LRRC43: variants seen among roughly 807,000 people sequenced by gnomAD.
LRRC43 encodes the protein leucine rich repeat containing 43, also known as leucine-rich repeat-containing protein 43.
In LRRC43, 62 loss-of-function variants were observed where a neutral mutation model predicts 64.3. The ratio of observed to expected loss-of-function variants is 0.96; its 90% CI spans 0.79 to 1.19. The LOEUF is 1.19. Among genes scored for constraint, LRRC43 ranks in the 50% most tolerant of loss-of-function variants. The probability of loss-of-function intolerance (pLI) is 0.00; values close to 1 mark genes in which losing one functional copy is unlikely to be tolerated. For synonymous variants in LRRC43, 422 were observed against 382.3 expected (o/e 1.10, Z -1.21); for missense variants, 868 against 845.0 (o/e 1.03, Z -0.34).
chr12:122,193,129 C>G, intron 7 of LRRC43, 125 bp downstream of exon 7: 1 of 998,906 alleles, frequency 1.0e-6, no homozygotes, highest in Middle Eastern at 3.3e-4. Flanking sequence ...GTCTGTAATC[C>G]CGGCACTTTG....
At chr12:122,168,437 G>C (rs1285115034) in intron 1 of LRRC43, among the ~76,000 whole-genome samples, 1 of 147,510 alleles carries the variant, frequency 6.8e-6, no homozygotes, top group Non-Finnish European at 1.5e-5. Flanking sequence ...GCAAAACTCT[G>C]TCTCAAAAAA....
At chr12:122,196,859 G>A (rs1056537991) in intron 7 of LRRC43, among the ~76,000 whole-genome samples, 1 of 152,176 alleles carries the variant, frequency 6.6e-6, no homozygotes, top group African/African-American at 2.4e-5. Context: ...TGGTACGTCA[G>A]AGGAAGTACA....
At chr12:122,197,903 T>C (rs1042837439) in intron 7 of LRRC43, among the ~76,000 whole-genome samples, 1 of 152,114 alleles carries the variant, frequency 6.6e-6, no homozygotes, top group African/African-American at 2.4e-5. Flanking sequence ...TTATCACTGG[T>C]TTGGGGTTTT....
At chr12:122,186,698 C>T (rs1037120642) in intron 3 of LRRC43, among the ~76,000 whole-genome samples, 5 of 152,170 alleles carry the variant, frequency 3.3e-5, no homozygotes, top group Non-Finnish European at 7.4e-5. Flanking sequence ...GCAGGTGGAT[C>T]ACCTGAGGTC....
intron 1 of LRRC43, among the ~76,000 whole-genome samples, chr12:122,170,235 G>A (rs1308317379): frequency 6.6e-6 from 1 of 152,180 alleles, no homozygotes; most frequent in Non-Finnish European, 1.5e-5. Context: ...GTGTTCTGAT[G>A]TAGGACAGTC....
rs775258822 is a variant in LRRC43, at chr12:122,184,733, CCTT to C, written c.371_373del (p.Phe124del). On this transcript the variant is annotated inframe_deletion, in exon 2 of 12. Coordinates refer to ENST00000339777, the MANE Select transcript of LRRC43 (RefSeq NM_001098519.2). The surrounding 1 kb of genome is among the most constrained non-coding windows in gnomAD (Gnocchi z 4.0). ...CGGAACCCGCTGACGATCACAGACACCTTCTTCTACTCCTACTTCCGGTCCCTG... is the reference window on the plus strand; with the variant it reads ...CGGAACCCGCTGACGATCACAGACACCTTCTACTCCTACTTCCGGTCCCTG... 5.0e-6 allele frequency: 8 copies of C among 1,612,936 alleles called. No homozygotes were observed. The East Asian group carries it at 1.1e-4, about 22-fold the overall frequency.
At chr12:122,190,995 T>C (rs1322158063) in intron 5 of LRRC43, among the ~76,000 whole-genome samples, 1 of 152,078 alleles carries the variant, frequency 6.6e-6, no homozygotes, top group Non-Finnish European at 1.5e-5. Context: ...CAAAACAACC[T>C]GTGGGGACTT....
intron 7 of LRRC43, among the ~76,000 whole-genome samples, 172 bp downstream of exon 7, chr12:122,193,176 C>A (rs1414160098): frequency 6.6e-6 from 1 of 151,514 alleles, no homozygotes; most frequent in Admixed American, 6.6e-5. Flanking sequence ...GTCAGGAGAT[C>A]GAGACCATCC....
upstream of LRRC43, chr12:122,183,113 C>T (rs113219840): frequency 2.0e-5 from 30 of 1,525,888 alleles, no homozygotes; most frequent in Middle Eastern, 2.3e-3. Context: ...GCGCACGCGT[C>T]CTAGCGGTTG....
intron 2 of LRRC43, among the ~76,000 whole-genome samples, chr12:122,185,862 C>T (rs1218631943): frequency 1.3e-5 from 2 of 152,206 alleles, no homozygotes; most frequent in African/African-American, 4.8e-5. Context: ...TGACTGACTT[C>T]AGTGCCCAGA....
chr12:122,192,074 CAA>C (rs1187466653), intron 6 of LRRC43, among the ~76,000 whole-genome samples: 1 of 152,174 alleles, frequency 6.6e-6, no homozygotes, highest in Non-Finnish European at 1.5e-5. Flanking sequence ...CTGAGCCTAA[CAA>C]GAGAGCCACC....
intron 1 of LRRC43, among the ~76,000 whole-genome samples, chr12:122,172,970 G>A (rs533645641): frequency 6.6e-6 from 1 of 152,272 alleles, no homozygotes; most frequent in East Asian, 1.9e-4. Flanking sequence ...CCATCCAGCT[G>A]AGGCCTCCCA....
rs1410974292 is a variant in LRRC43 at position 122,191,418 on chromosome 12, G to A, written c.940G>A (p.Gly314Arg). Residue 314 changes from glycine to arginine, a missense_variant, in exon 6 of 12, where the codon GGA becomes AGA. Transcript: ENST00000339777. ...GGAGGCGCAGTTTGTGGTGACCATC[G>A]GAAACATCAGAGGAGTCCTGGACAC... ...AQEAQFVVTI[G>R]NIRGVLDTSV... is the part of the protein sequence containing the mutation. The A allele has an allele frequency of 1.1e-5, 17 of 1,613,426 alleles. No homozygotes were observed. The highest frequency in any genetic ancestry group is 1.7e-4 in the Middle Eastern group (1 of 6,048).
chr12:122,200,497 C>CCT lies in LRRC43; in HGVS notation c.1492-32_1492-31dup, dbSNP rs1953823580. The CCT allele has an allele frequency of 6.2e-7, 1 of 1,613,826 alleles. No homozygotes were observed. Among genetic ancestry groups the CCT allele is most frequent in the African/African-American group, 1.3e-5 (1 of 74,920 alleles). Reference sequence around the variant, plus strand: ...GGTGACCCCAGGCAGCCCGCCTGGGCCTCTGCTCACTCGAGGATTCTCTCC... The same window carrying CCT: ...GGTGACCCCAGGCAGCCCGCCTGGGCCTCTCTGCTCACTCGAGGATTCTCTCC... On this transcript the variant is annotated intron_variant, in intron 8 of 11. Transcript: ENST00000339777. The surrounding 1 kb of genome is among the most constrained non-coding windows in gnomAD (Gnocchi z 4.6).
intron 4 of LRRC43, chr12:122,189,293 G>A (rs1049860610): frequency 5.8e-5 from 22 of 381,542 alleles, no homozygotes; most frequent in Non-Finnish European, 9.5e-5. Context: ...GGAACCTGGA[G>A]GGCATGCCCT....
intron 1 of LRRC43, chr12:122,172,263 C>T (rs1953491817): frequency 1.6e-6 from 1 of 612,288 alleles, no homozygotes; most frequent in African/African-American, 1.8e-5. Flanking sequence ...ACATCTCAGC[C>T]CTCCCGGGAC....
At chr12:122,178,333 G>A (rs368093943), upstream of LRRC43, among the ~76,000 whole-genome samples, 9 of 152,124 alleles carry the variant, frequency 5.9e-5, 1 homozygote, top group African/African-American at 1.4e-4. Flanking sequence ...CTGTAACAAC[G>A]TCATCCTGAT....
upstream of LRRC43, among the ~76,000 whole-genome samples, chr12:122,180,343 A>C (rs1230496627): frequency 6.6e-6 from 1 of 151,928 alleles, no homozygotes; most frequent in Non-Finnish European, 1.5e-5. Context: ...GCATGGAGAA[A>C]CCCTGTCTCT....
chr12:122,193,240 G>T (rs926234887), intron 7 of LRRC43, among the ~76,000 whole-genome samples: 6 of 151,890 alleles, frequency 4.0e-5, no homozygotes, highest in Non-Finnish European at 7.4e-5. Context: ...AATTAGCCAG[G>T]CGTGGTGGCA....
Sources: allele counts gnomAD v4.1 joint callset (sites outside exome capture counted in the v4.1 genomes callset), GRCh38; gene constraint gnomAD v4.1.1; non-coding constraint Gnocchi (gnomAD v3.1); transcripts MANE v1.5; gene names NCBI Gene and HGNC (gene_info 2026-07-23, HGNC 2026-07-21).